CDK17: variants seen among roughly 807,000 people sequenced by gnomAD.
CDK17 encodes cyclin dependent kinase 17.
Under a neutral mutation model 77.6 loss-of-function variants are expected in CDK17, and 24 were observed. The ratio of observed to expected loss-of-function variants is 0.31; its 90% confidence interval spans 0.22 to 0.44. The LOEUF is 0.44. Ranked by LOEUF, CDK17 falls within the 20% of genes least tolerant of loss-of-function variation. The pLI, the probability that CDK17 is intolerant of heterozygous loss-of-function variation, is 1.00. For missense variants in CDK17, 429 were observed against 622.5 expected, an observed-to-expected ratio of 0.69 and a Z score of 3.31; for synonymous variants, 203 against 210.4, an observed-to-expected ratio of 0.96 and a Z score of 0.30.
chr12:96,333,125 C>T (rs1022429216), intron 2 of CDK17, among the ~76,000 whole-genome samples: 6 of 151,438 alleles, frequency 4.0e-5, no homozygotes, highest in Non-Finnish European at 5.9e-5. Flanking sequence ...AGGCACACTG[C>T]GCTTCCCACC....
At chr12:96,340,618 T>C (rs1953108314) in intron 1 of CDK17, among the ~76,000 whole-genome samples, 1 of 152,200 alleles carries the variant, frequency 6.6e-6, no homozygotes, top group Admixed American at 6.5e-5. Flanking sequence ...ATATCAACTT[T>C]TTTCGTTAGC....
chr12:96,382,328 T>TAACA (rs1953897540), intron 1 of CDK17, among the ~76,000 whole-genome samples: 1 of 121,010 alleles, frequency 8.3e-6, no homozygotes, highest in Non-Finnish European at 1.8e-5. Context: ...AACAGACAAA[T>TAACA]AACAAGTTCC....
chr12:96,290,229 T>C (rs564872704), intron 10 of CDK17, among the ~76,000 whole-genome samples: 1 of 152,308 alleles, frequency 6.6e-6, no homozygotes, highest in Admixed American at 6.5e-5. Context: ...AAGGCTAGAG[T>C]TTACAACTTT....
chr12:96,309,093 A>G (rs1952614697), intron 5 of CDK17, among the ~76,000 whole-genome samples: 1 of 152,228 alleles, frequency 6.6e-6, no homozygotes, highest in African/African-American at 2.4e-5. Context: ...GAAGAAGTCC[A>G]GACTTCTTGG....
intron 1 of CDK17, among the ~76,000 whole-genome samples, chr12:96,353,374 T>C (rs1230417805): frequency 6.6e-6 from 1 of 152,220 alleles, no homozygotes; most frequent in Non-Finnish European, 1.5e-5. Context: ...AAATGTCTTA[T>C]GCTTTGGGTT....
At chr12:96,360,978 T>C (rs1330858968) in intron 1 of CDK17, among the ~76,000 whole-genome samples, 1 of 152,072 alleles carries the variant, frequency 6.6e-6, no homozygotes, top group African/African-American at 2.4e-5. Context: ...ATCACAGACA[T>C]AGTAAATGCA....
intron 1 of CDK17, among the ~76,000 whole-genome samples, chr12:96,378,666 T>C (rs745975729): frequency 2.0e-5 from 3 of 152,256 alleles, no homozygotes; most frequent in Admixed American, 2.0e-4. Flanking sequence ...AAATGTTACA[T>C]GTATATTGTT....
intron 5 of CDK17, among the ~76,000 whole-genome samples, chr12:96,302,299 G>C (rs777129217): frequency 6.6e-6 from 1 of 151,886 alleles, no homozygotes; most frequent in Non-Finnish European, 1.5e-5. Flanking sequence ...GTCTGATTAC[G>C]AATAATCTTT....
rs1340062822 is a variant in CDK17, at chr12:96,286,037, A to G, written c.1322+6T>C. On this transcript the variant is annotated splice_donor_region_variant and intron_variant, in intron 13 of 16. Transcript: ENST00000261211. ...TTCCCCCCTTTCACATAAGAAAAAA[A>G]AATACCTGGGTGCGTGGTTAATTAG... The G allele has an allele frequency of 6.7e-7, 1 of 1,482,382 alleles. No homozygotes were observed. Among genetic ancestry groups the G allele is most frequent in the Admixed American group, 1.7e-5 (1 of 58,054 alleles). 91.8% of individuals were successfully genotyped at this position (1,482,382 alleles called of 1,614,324 possible). A position where few individuals can be genotyped will look rare whatever the true frequency, so the allele number is the denominator to read the frequency against.
chr12:96,371,741 TAAAAAG>T lies in CDK17; in HGVS notation c.-30+28239_-30+28244del, dbSNP rs564212725. On this transcript the variant is annotated intron_variant, in intron 1 of 16. Coordinates refer to ENST00000261211, the MANE Select transcript of CDK17 (RefSeq NM_002595.5). ...GAGTGAAACTCCATCTCAAAAAAAA[TAAAAAG>T]AAAAAGAATGAAATTTCATTTCCCT... is the stretch of plus-strand genomic sequence containing the variant. 9.7e-3 allele frequency among the ~76,000 whole-genome samples: 1,472 copies of T among 152,038 alleles called. 16 individuals carry two copies. Among genetic ancestry groups the T allele is most frequent in the African/African-American group, 0.031 (1,287 of 41,480 alleles).
chr12:96,383,011 A>T (rs962711108), intron 1 of CDK17, among the ~76,000 whole-genome samples: 1 of 152,222 alleles, frequency 6.6e-6, no homozygotes, highest in Non-Finnish European at 1.5e-5. Context: ...TGTATCTAGA[A>T]AACTCTAAAG....
chr12:96,358,514 A>C lies in CDK17; in HGVS notation c.-29-23649T>G, dbSNP rs1017490683. ...TTTCTTAGTAAGTGTGCAAGGTCAA[A>C]TATTTTAATAATAAAAAGGATACAG... On this transcript the variant is annotated intron_variant, in intron 1 of 16. Coordinates refer to ENST00000261211, the MANE Select transcript of CDK17 (RefSeq NM_002595.5). 3.9e-5 allele frequency among the ~76,000 whole-genome samples: 6 copies of C among 152,208 alleles called. No individual in the cohort carries two copies. The South Asian group carries it at 1.2e-3, about 32-fold the overall frequency.
chr12:96,323,087 T>C (rs1432695162), intron 3 of CDK17, among the ~76,000 whole-genome samples: 1 of 152,010 alleles, frequency 6.6e-6, no homozygotes, highest in Non-Finnish European at 1.5e-5. Flanking sequence ...TCAGTAAATA[T>C]AATTATCTAA....
At chr12:96,366,296 G>T (rs989804354) in intron 1 of CDK17, among the ~76,000 whole-genome samples, 8 of 152,172 alleles carry the variant, frequency 5.3e-5, no homozygotes, top group Non-Finnish European at 1.0e-4. Context: ...TATGAACACA[G>T]ATGTTACCCT....
intron 1 of CDK17, among the ~76,000 whole-genome samples, chr12:96,371,753 G>A (rs995873954): frequency 5.3e-5 from 8 of 151,788 alleles, no homozygotes; most frequent in African/African-American, 1.9e-4. Context: ...AAAAGAAAAA[G>A]AATGAAATTT....
chr12:96,363,626 T>C (rs1953533193), intron 1 of CDK17, among the ~76,000 whole-genome samples: 1 of 151,894 alleles, frequency 6.6e-6, no homozygotes, highest in East Asian at 1.9e-4. Context: ...GGCGGGCAGA[T>C]CATGAGGTCA....
At chr12:96,378,499 A>G (rs976397656) in intron 1 of CDK17, among the ~76,000 whole-genome samples, 5 of 152,178 alleles carry the variant, frequency 3.3e-5, no homozygotes, top group Non-Finnish European at 5.9e-5. Context: ...TTCTCCACAA[A>G]GGCCTGGTTC....
intron 5 of CDK17, among the ~76,000 whole-genome samples, chr12:96,305,678 A>C (rs1952567748): frequency 6.6e-6 from 1 of 152,130 alleles, no homozygotes; most frequent in Non-Finnish European, 1.5e-5. Flanking sequence ...TAGATTTGCA[A>C]GTTTGTTATA....
Position 96,310,086 on chromosome 12 carries a change from C to T in CDK17, c.543+966G>A, listed in dbSNP as rs917162173. On this transcript the variant is annotated intron_variant, in intron 5 of 16. Coordinates refer to ENST00000261211, the MANE Select transcript of CDK17 (RefSeq NM_002595.5). ...AACCGAAAACAACCAGAATGCCCATCGATAGGAGAATGGATGAAGTACAGT... is the reference window on the plus strand; with the variant it reads ...AACCGAAAACAACCAGAATGCCCATTGATAGGAGAATGGATGAAGTACAGT... Among the ~76,000 whole-genome samples, 4 of 151,852 alleles carry T rather than the reference C, an allele frequency of 2.6e-5. No individual in the cohort carries two copies. In the South Asian group the frequency reaches 8.3e-4, roughly 32 times the overall value.
Sources: gnomAD v4.1 joint callset for allele counts (sites outside exome capture counted in the v4.1 genomes callset) on GRCh38, gnomAD v4.1.1 for gene constraint, MANE v1.5 for transcripts, NCBI Gene and HGNC (gene_info 2026-07-23, HGNC 2026-07-21) for gene names.